Variants in RPS6KC1 observed in about 807,000 individuals in gnomAD.
RPS6KC1 encodes inactive ribosomal protein S6 kinase delta-1.
In RPS6KC1, 54 loss-of-function variants were observed where a neutral mutation model predicts 103.8. The observed-to-expected ratio is 0.52, with a 90% CI of 0.42 to 0.65. The LOEUF is 0.65. RPS6KC1 is among the 30% of genes least tolerant of loss of function. The pLI is 0.00. For synonymous variants in RPS6KC1, 439 were observed against 438.7 expected (o/e 1.00, Z -0.01); for missense variants, 1,151 against 1,253.8 (o/e 0.92, Z 1.24).
chr1:213,745,021 G>T, the RPS6KC1 span, among the ~76,000 whole-genome samples: 11 of 152,146 alleles, frequency 7.2e-5, no homozygotes, highest in Non-Finnish European at 1.3e-4. Context: ...ACACAAACAC[G>T]CTGGCAGTGG....
the RPS6KC1 span, chr1:213,546,501 G>C: frequency 6.6e-6 from 1 of 152,188 alleles, no homozygotes; most frequent in Non-Finnish European, 1.5e-5. Flanking sequence ...TCTGTAGATA[G>C]ATGTGGCTGT....
At chr1:213,059,795 C>T (rs898313299) in intron 1 of RPS6KC1, among the ~76,000 whole-genome samples, 3 of 152,142 alleles carry the variant, frequency 2.0e-5, no homozygotes, top group African/African-American at 7.2e-5. Context: ...GCCTCAGCCT[C>T]CTGAGTAGGT....
At chr1:213,191,537 G>A (rs913997042) in intron 8 of RPS6KC1, among the ~76,000 whole-genome samples, 3 of 152,028 alleles carry the variant, frequency 2.0e-5, no homozygotes, top group African/African-American at 7.2e-5. Context: ...TAGTTTTTTA[G>A]GGGAGTCTTT....
chr1:213,757,572 C>T, the RPS6KC1 span, among the ~76,000 whole-genome samples: 2 of 152,226 alleles, frequency 1.3e-5, no homozygotes, highest in Non-Finnish European at 2.9e-5. Flanking sequence ...AAGGAGCTGT[C>T]TCCATAATAT....
the RPS6KC1 span, among the ~76,000 whole-genome samples, chr1:213,844,631 T>A: frequency 5.3e-5 from 8 of 152,156 alleles, no homozygotes; most frequent in Non-Finnish European, 1.2e-4. Context: ...ATAAAAATGT[T>A]AAAAAGCAAG....
chr1:213,662,625 CAT>C, the RPS6KC1 span, among the ~76,000 whole-genome samples: 1 of 152,180 alleles, frequency 6.6e-6, no homozygotes, highest in Non-Finnish European at 1.5e-5. Flanking sequence ...CTCCCCTGCG[CAT>C]AGATGTTCTG....
the RPS6KC1 span, among the ~76,000 whole-genome samples, chr1:213,809,953 A>G: frequency 3.9e-5 from 6 of 152,220 alleles, no homozygotes; most frequent in Non-Finnish European, 8.8e-5. Context: ...TCACTGCTAG[A>G]TTGACTGGAA....
the RPS6KC1 span, among the ~76,000 whole-genome samples, chr1:213,797,501 T>C: frequency 6.6e-6 from 1 of 152,212 alleles, no homozygotes; most frequent in Non-Finnish European, 1.5e-5. Context: ...TTAACTTTAG[T>C]GTACACTATG....
At chr1:213,446,127 C>T in the RPS6KC1 span, among the ~76,000 whole-genome samples, 2 of 152,192 alleles carry the variant, frequency 1.3e-5, no homozygotes, top group Non-Finnish European at 2.9e-5. Context: ...GTCTGGGCTT[C>T]AAGGGCCTGC....
At chr1:213,840,066 C>A in the RPS6KC1 span, 2 of 152,140 alleles carry the variant, frequency 1.3e-5, no homozygotes, top group Non-Finnish European at 2.9e-5. Flanking sequence ...AGCTCGTGCA[C>A]TTTCCCCCAC....
chr1:213,375,228 TACATAC>T, the RPS6KC1 span, among the ~76,000 whole-genome samples: 5 of 151,402 alleles, frequency 3.3e-5, no homozygotes, highest in Non-Finnish European at 7.4e-5. Context: ...CATATTCACA[TACATAC>T]ACATACACAC....
chr1:213,540,460 C>G, the RPS6KC1 span, among the ~76,000 whole-genome samples: 1 of 152,184 alleles, frequency 6.6e-6, no homozygotes, highest in African/African-American at 2.4e-5. Flanking sequence ...CTTCCCATCT[C>G]AGCCTCCCGA....
intron 5 of RPS6KC1, among the ~76,000 whole-genome samples, chr1:213,124,847 G>A (rs980393181): frequency 1.3e-5 from 2 of 152,100 alleles, no homozygotes; most frequent in African/African-American, 2.4e-5. Flanking sequence ...TTCAGGCATG[G>A]TAAGATGCAA....
chr1:213,310,212 T>TA, the RPS6KC1 span, among the ~76,000 whole-genome samples: 2 of 152,214 alleles, frequency 1.3e-5, no homozygotes, highest in South Asian at 4.1e-4. Flanking sequence ...GTGACCCTTT[T>TA]AAAAGAGGTC....
chr1:213,176,366 TG>T, intron 7 of RPS6KC1, 33 bp from the exon 8 acceptor site: 1 of 1,468,054 alleles, frequency 6.8e-7, no homozygotes, highest in South Asian at 1.3e-5. Context: ...AGTACCTCCC[TG>T]ATTGATGTAT....
chr1:213,231,922 C>T (rs1235814358), intron 9 of RPS6KC1, among the ~76,000 whole-genome samples: 1 of 152,208 alleles, frequency 6.6e-6, no homozygotes, highest in Non-Finnish European at 1.5e-5. Flanking sequence ...TTTGTGGCAT[C>T]TTCCTTCTCT....
the RPS6KC1 span, among the ~76,000 whole-genome samples, chr1:213,287,260 G>GTGTGTA: frequency 6.6e-6 from 1 of 150,902 alleles, no homozygotes; most frequent in African/African-American, 2.4e-5. Context: ...GTGTGTGTGT[G>GTGTGTA]TGTGTGTGTG....
chr1:213,601,283 T>C, the RPS6KC1 span, among the ~76,000 whole-genome samples: 6 of 149,202 alleles, frequency 4.0e-5, no homozygotes, highest in African/African-American at 1.5e-4. Context: ...TATATATATA[T>C]TTCTTATTAA....
At chr1:213,282,925 C>G in the RPS6KC1 span, among the ~76,000 whole-genome samples, 1 of 152,188 alleles carries the variant, frequency 6.6e-6, no homozygotes, top group Admixed American at 6.5e-5. Flanking sequence ...ATGATATGCT[C>G]TGTGTTTTAC....
Sources: allele counts gnomAD v4.1 joint callset (sites outside exome capture counted in the v4.1 genomes callset), GRCh38; gene constraint gnomAD v4.1.1; transcripts MANE v1.5; gene names NCBI Gene and HGNC (gene_info 2026-07-23, HGNC 2026-07-21).